Variants in ANKS1B observed in about 807,000 individuals in gnomAD.
ANKS1B encodes ankyrin repeat and sterile alpha motif domain-containing protein 1B.
ANKS1B carries 36 observed loss-of-function variants against 148.3 expected under a neutral mutation model. That is an observed-to-expected ratio of 0.24 (90% CI 0.19 to 0.32). ANKS1B has a LOEUF of 0.32. Among genes scored for constraint, ANKS1B ranks in the 10% least tolerant of loss-of-function variants. The probability of loss-of-function intolerance (pLI) is 1.00; values close to 1 mark genes in which losing one functional copy is unlikely to be tolerated. For synonymous variants in ANKS1B, 542 were observed against 560.8 expected (o/e 0.97, Z 0.47); for missense variants, 1,157 against 1,542.6 (o/e 0.75, Z 4.19).
rs917701461 is a variant in ANKS1B at position 99,090,003 on chromosome 12, C to T, written c.2527-4980G>A. ...TCTAATGCAGGGTGTCTTTATTGAT[C>T]TCTTAAATCATGGAATGGAAAAAGT... On this transcript the variant is annotated intron_variant, in intron 15 of 26. Transcript: ENST00000683438. Among the ~76,000 whole-genome samples, 10 of 152,282 alleles carry T rather than the reference C, an allele frequency of 6.6e-5. No individual in the cohort carries two copies. The South Asian group carries it at 8.3e-4, about 13-fold the overall frequency.
intron 1 of ANKS1B, among the ~76,000 whole-genome samples, chr12:99,910,910 CAAT>C (rs2093985596): frequency 6.6e-6 from 1 of 152,050 alleles, no homozygotes; most frequent in African/African-American, 2.4e-5. Flanking sequence ...ATAATGACAG[CAAT>C]AATAATATCA....
At chr12:99,408,267 G>A (rs1401001728) in intron 11 of ANKS1B, among the ~76,000 whole-genome samples, 1 of 145,222 alleles carries the variant, frequency 6.9e-6, no homozygotes, top group Non-Finnish European at 1.5e-5. Flanking sequence ...GAAAAGACAG[G>A]GTGGTGGTGG....
intron 4 of ANKS1B, among the ~76,000 whole-genome samples, chr12:99,790,594 C>T (rs1271394610): frequency 6.6e-6 from 1 of 151,802 alleles, no homozygotes; most frequent in Non-Finnish European, 1.5e-5. Flanking sequence ...AGAGAAACAA[C>T]AAAAAGTTAA....
At chr12:99,750,254 C>T (rs548136386) in intron 8 of ANKS1B, among the ~76,000 whole-genome samples, 5 of 151,964 alleles carry the variant, frequency 3.3e-5, no homozygotes, top group African/African-American at 4.8e-5. Flanking sequence ...GTAAAAGACC[C>T]GCTATATATA....
At chr12:99,497,866 AC>A (rs1269123080) in intron 10 of ANKS1B, among the ~76,000 whole-genome samples, 2 of 150,946 alleles carry the variant, frequency 1.3e-5, no homozygotes. Context: ...CACCTCCACC[AC>A]CCTGTCTCTC....
At chr12:99,371,365 A>G (rs1566974797) in intron 12 of ANKS1B, among the ~76,000 whole-genome samples, 1 of 152,080 alleles carries the variant, frequency 6.6e-6, no homozygotes, top group Non-Finnish European at 1.5e-5. Context: ...GAGGAAGGAG[A>G]GTAGGATGAA....
intron 9 of ANKS1B, among the ~76,000 whole-genome samples, chr12:99,524,242 C>A (rs148230932): frequency 2.6e-5 from 4 of 151,860 alleles, no homozygotes; most frequent in Non-Finnish European, 4.4e-5. Context: ...TTTTTTAAAA[C>A]GAAGATACTT....
intron 17 of ANKS1B, among the ~76,000 whole-genome samples, chr12:99,025,821 T>C (rs1325168489): frequency 6.6e-6 from 1 of 152,318 alleles, no homozygotes; most frequent in East Asian, 1.9e-4. Flanking sequence ...GGAAATCCAC[T>C]GGAAGCTGGA....
intron 4 of ANKS1B, among the ~76,000 whole-genome samples, chr12:99,795,524 G>T (rs1274490267): frequency 1.3e-5 from 2 of 151,916 alleles, no homozygotes; most frequent in East Asian, 3.8e-4. Context: ...ATATAATTCA[G>T]AAAAGGAACT....
intron 12 of ANKS1B, among the ~76,000 whole-genome samples, chr12:99,383,705 T>C (rs2093736269): frequency 6.6e-6 from 1 of 151,974 alleles, no homozygotes; most frequent in South Asian, 2.1e-4. Context: ...ATAACAGTCA[T>C]TAGGATTCAT....
intron 1 of ANKS1B, among the ~76,000 whole-genome samples, chr12:99,928,495 G>C (rs558022249): frequency 6.6e-6 from 1 of 151,210 alleles, no homozygotes; most frequent in Non-Finnish European, 1.5e-5. Context: ...AGCCAGGATG[G>C]TCTCGATCTC....
chr12:99,570,140 T>C (rs1313673821), intron 9 of ANKS1B, among the ~76,000 whole-genome samples: 2 of 152,124 alleles, frequency 1.3e-5, no homozygotes, highest in East Asian at 3.9e-4. Flanking sequence ...AACAAGCAGC[T>C]GGAATAAGTG....
At chr12:99,962,989 AT>A (rs1236994945) in intron 1 of ANKS1B, among the ~76,000 whole-genome samples, 1 of 151,534 alleles carries the variant, frequency 6.6e-6, no homozygotes, top group Non-Finnish European at 1.5e-5. Flanking sequence ...AATTTTTTGT[AT>A]TTTTAGTGGA....
intron 9 of ANKS1B, among the ~76,000 whole-genome samples, chr12:99,575,076 A>T (rs1464263350): frequency 6.6e-6 from 1 of 152,110 alleles, no homozygotes; most frequent in Non-Finnish European, 1.5e-5. Flanking sequence ...AATTTGCAAC[A>T]TACAAGGTCA....
chr12:99,803,482 C>T (rs898244469), intron 4 of ANKS1B, among the ~76,000 whole-genome samples: 2 of 152,080 alleles, frequency 1.3e-5, no homozygotes, highest in African/African-American at 4.8e-5. Context: ...GTTATAGCAA[C>T]ACAGAAGTTG....
intron 17 of ANKS1B, among the ~76,000 whole-genome samples, chr12:98,989,747 G>C (rs2099925432): frequency 6.6e-6 from 1 of 152,160 alleles, no homozygotes; most frequent in Non-Finnish European, 1.5e-5. Flanking sequence ...TGAAAAATTA[G>C]CTGGGTGCAA....
chr12:99,921,155 G>C (rs1025132409), intron 1 of ANKS1B, among the ~76,000 whole-genome samples: 1 of 152,098 alleles, frequency 6.6e-6, no homozygotes, highest in African/African-American at 2.4e-5. Context: ...ATCCCCATGT[G>C]TCGAGGAAGG....
At chr12:99,006,177 A>C (rs2099936050) in intron 17 of ANKS1B, among the ~76,000 whole-genome samples, 2 of 152,246 alleles carry the variant, frequency 1.3e-5, no homozygotes, top group Non-Finnish European at 2.9e-5. Flanking sequence ...AACCTCCAAA[A>C]AGCATGGAGC....
intron 12 of ANKS1B, among the ~76,000 whole-genome samples, chr12:99,305,345 T>A (rs2082200974): frequency 6.6e-6 from 1 of 152,086 alleles, no homozygotes; most frequent in African/African-American, 2.4e-5. Flanking sequence ...TGATATCAAT[T>A]TAAATAAAAT....
Sources: allele counts gnomAD v4.1 joint callset (sites outside exome capture counted in the v4.1 genomes callset), GRCh38; gene constraint gnomAD v4.1.1; transcripts MANE v1.5; gene names NCBI Gene and HGNC (gene_info 2026-07-23, HGNC 2026-07-21).